The following PRKN variants were observed in gnomAD, a reference collection of about 807,000 sequenced individuals.
PRKN encodes the protein E3 ubiquitin-protein ligase parkin.
A neutral mutation model predicts 59.5 loss-of-function variants in PRKN; 56 were observed. The observed-to-expected ratio is 0.94, with a 90% CI of 0.76 to 1.18. The LOEUF is 1.18. PRKN is among the 50% of genes most tolerant of loss of function. The pLI, the probability that PRKN is intolerant of heterozygous loss-of-function variation, is 0.00. For missense variants in PRKN, 657 were observed against 596.4 expected, an observed-to-expected ratio of 1.10 and a Z score of -1.06; for synonymous variants, 250 against 222.1, an observed-to-expected ratio of 1.13 and a Z score of -1.12.
chr6:161,950,105 A>G (rs1779931326), intron 6 of PRKN, among the ~76,000 whole-genome samples: 1 of 152,202 alleles, frequency 6.6e-6, no homozygotes, highest in African/African-American at 2.4e-5. Flanking sequence ...AGAAGCCAAC[A>G]GTGGCAGGCT....
chr6:161,558,075 T>G (rs1442883978), intron 8 of PRKN, among the ~76,000 whole-genome samples: 1 of 152,150 alleles, frequency 6.6e-6, no homozygotes, highest in East Asian at 1.9e-4. Flanking sequence ...GCACCGACAC[T>G]TTGCTGCTCG....
intron 2 of PRKN, among the ~76,000 whole-genome samples, chr6:162,439,412 T>C (rs965607234): frequency 1.3e-5 from 2 of 151,684 alleles, no homozygotes; most frequent in African/African-American, 2.4e-5. Flanking sequence ...TTTCTTTTTG[T>C]CTATATATGT....
intron 3 of PRKN, among the ~76,000 whole-genome samples, chr6:162,246,584 ATGGTGAATCTT>A (rs1312477568): frequency 6.6e-6 from 1 of 152,152 alleles, no homozygotes; most frequent in Non-Finnish European, 1.5e-5. Flanking sequence ...TCACATACAT[ATGGTGAATCTT>A]TGGACAATGG....
At chr6:162,527,432 G>T (rs1267510115) in intron 1 of PRKN, among the ~76,000 whole-genome samples, 2 of 151,990 alleles carry the variant, frequency 1.3e-5, no homozygotes, top group Admixed American at 6.6e-5. Flanking sequence ...AGTTACAAAG[G>T]TTGAATAAAA....
At position 162,302,959 on chromosome 6, in the gene PRKN, A is replaced by AAC. The variant is rs1184692308; in HGVS notation, c.172-40196_172-40195dup. On this transcript the variant is annotated intron_variant, in intron 2 of 11. Coordinates refer to ENST00000366898, the MANE Select transcript of PRKN (RefSeq NM_004562.3). ...CTATGGGTGAGTATTATATGCCTTA[A>AAC]ACATACACACACACACACACACACA... Among the ~76,000 whole-genome samples, 41 of 48,274 alleles carry AAC rather than the reference A, an allele frequency of 8.5e-4. 1 individual carries two copies. The highest frequency in any genetic ancestry group is 2.1e-3 in the African/African-American group (38 of 18,262). 31.7% of individuals were successfully genotyped at this position (48,274 alleles called of 152,430 possible).
chr6:162,427,853 A>AT (rs1415268793), intron 2 of PRKN, among the ~76,000 whole-genome samples: 1 of 152,020 alleles, frequency 6.6e-6, no homozygotes, highest in Admixed American at 6.6e-5. Context: ...TAATAAATGT[A>AT]TTTTTTAAAG....
At chr6:161,864,353 C>A (rs1299785885) in intron 6 of PRKN, among the ~76,000 whole-genome samples, 1 of 152,154 alleles carries the variant, frequency 6.6e-6, no homozygotes, top group Non-Finnish European at 1.5e-5. Flanking sequence ...TCTTTGTTCA[C>A]CCATAAGATG....
At chr6:161,567,037 T>TTTTTTGTG (rs548743646) in intron 8 of PRKN, among the ~76,000 whole-genome samples, 30 of 103,796 alleles carry the variant, frequency 2.9e-4, no homozygotes, top group East Asian at 2.2e-3. Flanking sequence ...TTTTTTTTTT[T>TTTTTTGTG]TGTGTGTGTG....
At position 162,581,715 on chromosome 6, in the gene PRKN, C is replaced by T. The variant is rs545120609; in HGVS notation, c.8-138242G>A. On this transcript the variant is annotated intron_variant, in intron 1 of 11. Transcript: ENST00000366898. ...CAGAGGGTGCAGTGAGCCAAGATCACGCCACTGCACTCCAGCCTGGGCAAC... is the reference window on the plus strand; with the variant it reads ...CAGAGGGTGCAGTGAGCCAAGATCATGCCACTGCACTCCAGCCTGGGCAAC... 3.9e-4 allele frequency among the ~76,000 whole-genome samples: 59 copies of T among 152,278 alleles called. No homozygotes were observed. The South Asian group carries it at 0.011, about 29-fold the overall frequency.
intron 1 of PRKN, among the ~76,000 whole-genome samples, chr6:162,724,778 TTA>T (rs1270797342): frequency 6.6e-6 from 1 of 152,172 alleles, no homozygotes; most frequent in African/African-American, 2.4e-5. Context: ...CAGAATGAGT[TTA>T]TAGACTCTTG....
At chr6:161,966,372 A>C (rs1780580305) in intron 6 of PRKN, among the ~76,000 whole-genome samples, 1 of 152,154 alleles carries the variant, frequency 6.6e-6, no homozygotes, top group Non-Finnish European at 1.5e-5. Context: ...GGCACTGTAA[A>C]GGGAGATTGA....
chr6:162,170,583 C>G (rs1783226352), intron 4 of PRKN, among the ~76,000 whole-genome samples: 2 of 152,172 alleles, frequency 1.3e-5, no homozygotes, highest in African/African-American at 4.8e-5. Flanking sequence ...TATAACAGGT[C>G]ACACATCCTT....
At chr6:161,845,540 T>C (rs1017552546) in intron 6 of PRKN, among the ~76,000 whole-genome samples, 5 of 152,162 alleles carry the variant, frequency 3.3e-5, no homozygotes, top group Admixed American at 2.6e-4. Flanking sequence ...GAAGGAATTA[T>C]AAATAGGACA....
At chr6:162,135,806 C>A (rs1158353282) in intron 4 of PRKN, among the ~76,000 whole-genome samples, 2 of 152,108 alleles carry the variant, frequency 1.3e-5, no homozygotes, top group African/African-American at 2.4e-5. Context: ...CATTACTGAT[C>A]ATTTCTGATC....
chr6:161,930,661 C>T (rs1039958527), intron 6 of PRKN, among the ~76,000 whole-genome samples: 1 of 152,182 alleles, frequency 6.6e-6, no homozygotes, highest in African/African-American at 2.4e-5. Flanking sequence ...AATTCAAAAA[C>T]CCTGCAAATA....
At chr6:161,659,676 G>T (rs1784474987) in intron 7 of PRKN, among the ~76,000 whole-genome samples, 1 of 152,142 alleles carries the variant, frequency 6.6e-6, no homozygotes, top group Non-Finnish European at 1.5e-5. Context: ...AACGGCCCTG[G>T]AGGACATGGT....
chr6:161,430,404 T>C (rs542974752), intron 9 of PRKN, among the ~76,000 whole-genome samples: 12 of 152,332 alleles, frequency 7.9e-5, no homozygotes, highest in East Asian at 3.9e-4. Context: ...AGCAGAATGA[T>C]AGCAATTTTC....
At chr6:162,061,719 G>GA (rs1467047058) in intron 4 of PRKN, among the ~76,000 whole-genome samples, 1 of 151,992 alleles carries the variant, frequency 6.6e-6, no homozygotes, top group African/African-American at 2.4e-5. Flanking sequence ...GAAAAAGAAC[G>GA]AAAAAAATTC....
chr6:161,654,252 T>A (rs1784256728), intron 7 of PRKN, among the ~76,000 whole-genome samples: 1 of 152,238 alleles, frequency 6.6e-6, no homozygotes, highest in Admixed American at 6.5e-5. Context: ...GTTATTTTCC[T>A]TTTGCATTTG....
Sources: allele counts gnomAD v4.1 joint callset (sites outside exome capture counted in the v4.1 genomes callset), GRCh38; gene constraint gnomAD v4.1.1; transcripts MANE v1.5; gene names NCBI Gene and HGNC (gene_info 2026-07-23, HGNC 2026-07-21).